The following LARP1B variants were observed in gnomAD, a reference collection of about 807,000 sequenced individuals.
LARP1B encodes la-related protein 1B.
In LARP1B, 76 loss-of-function variants were observed where a neutral mutation model predicts 114.2. The ratio of observed to expected loss-of-function variants is 0.67; its 90% CI spans 0.55 to 0.81. The LOEUF (loss-of-function observed/expected upper bound fraction) is 0.81, where lower values mean the gene tolerates loss of function less well. Ranked by LOEUF, LARP1B falls within the 30% of genes least tolerant of loss-of-function variation. LARP1B has a pLI of 0.00. For synonymous variants in LARP1B, 345 were observed against 348.0 expected (o/e 0.99, Z 0.10); for missense variants, 1,014 against 1,075.8 (o/e 0.94, Z 0.80).
intron 11 of LARP1B, among the ~76,000 whole-genome samples, chr4:128,132,284 G>A (rs954247089): frequency 9.2e-5 from 14 of 151,988 alleles, no homozygotes; most frequent in South Asian, 4.2e-4. Flanking sequence ...TTACTCTGTC[G>A]CCCTGGCTGG....
chr4:128,144,470 A>G (rs116390870), intron 11 of LARP1B, among the ~76,000 whole-genome samples: 1,989 of 152,098 alleles, frequency 0.013, 29 homozygotes, highest in African/African-American at 0.046. Flanking sequence ...GATATGTTAT[A>G]CTATTTGATA....
intron 15 of LARP1B, among the ~76,000 whole-genome samples, chr4:128,186,575 C>T (rs1209842168): frequency 6.6e-6 from 1 of 152,148 alleles, no homozygotes; most frequent in Non-Finnish European, 1.5e-5. Flanking sequence ...AATATCAGAT[C>T]ATCTGCAGGC....
intron 11 of LARP1B, among the ~76,000 whole-genome samples, chr4:128,150,936 T>C (rs1411019640): frequency 6.6e-6 from 1 of 152,200 alleles, no homozygotes; most frequent in Non-Finnish European, 1.5e-5. Flanking sequence ...CAATATGAGT[T>C]GCAGAGAAAT....
At chr4:128,112,634 C>T (rs1335270563) in intron 9 of LARP1B, among the ~76,000 whole-genome samples, 5 of 151,832 alleles carry the variant, frequency 3.3e-5, no homozygotes, top group South Asian at 2.1e-4. Context: ...CCACCACGCC[C>T]GGCTAGTTTT....
intron 8 of LARP1B, among the ~76,000 whole-genome samples, chr4:128,105,735 CA>C (rs57750695): frequency 6.6e-6 from 1 of 151,812 alleles, no homozygotes; most frequent in Non-Finnish European, 1.5e-5. Flanking sequence ...ACTAAAAGTA[CA>C]AAAAAATTAG....
intron 9 of LARP1B, chr4:128,108,543 TC>T: frequency 1.0e-6 from 1 of 985,708 alleles, no homozygotes; most frequent in South Asian, 4.7e-5. Context: ...ATGGACAGTC[TC>T]ACACTATTTT....
chr4:128,098,973 T>C (rs1011895514), intron 8 of LARP1B, among the ~76,000 whole-genome samples: 1 of 150,468 alleles, frequency 6.6e-6, no homozygotes, highest in Non-Finnish European at 1.5e-5. Context: ...AGACTTGGCT[T>C]CACTATCTTG....
chr4:128,064,266 A>G (rs2149262645), intron 1 of LARP1B, among the ~76,000 whole-genome samples: 2 of 120,962 alleles, frequency 1.7e-5, no homozygotes, highest in South Asian at 5.1e-4. Context: ...AGCAAGACTC[A>G]GTCTCAAAAA....
chr4:128,114,001 GTC>G, intron 9 of LARP1B, among the ~76,000 whole-genome samples: 1 of 152,082 alleles, frequency 6.6e-6, no homozygotes, highest in Non-Finnish European at 1.5e-5. Context: ...GGTCAGGCCA[GTC>G]GACACTTCAC....
chr4:128,078,689 T>C (rs1318792643), intron 4 of LARP1B, among the ~76,000 whole-genome samples: 3 of 152,168 alleles, frequency 2.0e-5, no homozygotes, highest in Admixed American at 6.6e-5. Flanking sequence ...ATGAAAATAT[T>C]GTCTTCATAT....
chr4:128,129,122 G>A (rs978724190), intron 11 of LARP1B, among the ~76,000 whole-genome samples: 3 of 135,028 alleles, frequency 2.2e-5, no homozygotes, highest in South Asian at 2.3e-4. Flanking sequence ...CCAAGATCGC[G>A]CCACTGCTCT....
chr4:128,120,532 T>C (rs1002026268), intron 10 of LARP1B, among the ~76,000 whole-genome samples: 5 of 150,134 alleles, frequency 3.3e-5, no homozygotes, highest in Non-Finnish European at 7.4e-5. Flanking sequence ...CACTGCAGCC[T>C]CCGCCTCCAG....
At chr4:128,073,799 C>G (rs1766678899) in intron 1 of LARP1B, among the ~76,000 whole-genome samples, 1 of 151,550 alleles carries the variant, frequency 6.6e-6, no homozygotes, top group South Asian at 2.1e-4. Context: ...CCATGTTGGC[C>G]AGGCTGGTCT....
chr4:128,080,274 C>T (rs1358313264), intron 4 of LARP1B, among the ~76,000 whole-genome samples: 3 of 152,056 alleles, frequency 2.0e-5, no homozygotes, highest in Non-Finnish European at 2.9e-5. Flanking sequence ...TGAGCCACCA[C>T]GCCTGGCAAT....
chr4:128,099,605 T>C lies in LARP1B; in HGVS notation c.813+1275T>C, dbSNP rs557896462. 2.4e-3 allele frequency among the ~76,000 whole-genome samples: 364 copies of C among 152,274 alleles called. 2 individuals are homozygous for C. The highest frequency in any genetic ancestry group is 8.2e-3 in the African/African-American group (340 of 41,562). ...TTTCATATTGCTGACTAGTATTCCA[T>C]GGTATGGATATACCACAGTTTATCC... On this transcript the variant is annotated intron_variant, in intron 8 of 19. Transcript: ENST00000326639.
At chr4:128,206,584 C>A in intron 18 of LARP1B, 47 bp downstream of exon 18, 1 of 1,560,874 alleles carries the variant, frequency 6.4e-7, no homozygotes, top group African/African-American at 1.4e-5. Flanking sequence ...AAATTGTAAA[C>A]CTGAGTCTGT....
rs1390813134 is a variant in LARP1B, at chr4:128,090,882, C to G, written c.359-119C>G. The G allele has an allele frequency of 8.9e-6, 6 of 677,572 alleles. No homozygotes were observed. The East Asian group carries it at 1.7e-4, about 19-fold the overall frequency. The allele number at this position is 677,572 out of a possible 1,614,324, so 42.0% of individuals were successfully genotyped here. On this transcript the variant is annotated intron_variant, in intron 5 of 19. Transcript: ENST00000326639. The stretch of plus-strand genomic sequence containing the variant: ...TCAGTTTGTATCCATCTGAAAAATG[C>G]CTGGCTACTGTTCATTAGTTACAAA...
chr4:128,107,975 G>A, intron 9 of LARP1B: 1 of 1,529,708 alleles, frequency 6.5e-7, no homozygotes, highest in Non-Finnish European at 8.7e-7. Flanking sequence ...ATAAATACTG[G>A]AACAAATCCT....
At chr4:128,146,502 A>T (rs1276043912) in intron 11 of LARP1B, among the ~76,000 whole-genome samples, 2 of 152,152 alleles carry the variant, frequency 1.3e-5, no homozygotes, top group Non-Finnish European at 2.9e-5. Flanking sequence ...AGAAAATATG[A>T]TTTTATTAAT....
Sources: allele counts gnomAD v4.1 joint callset (sites outside exome capture counted in the v4.1 genomes callset), GRCh38; gene constraint gnomAD v4.1.1; transcripts MANE v1.5; gene names NCBI Gene and HGNC (gene_info 2026-07-23, HGNC 2026-07-21).